Variants in NME7 observed in about 807,000 individuals in gnomAD.
The protein encoded by NME7 is NME/NM23 family member 7.
NME7 carries 41 observed loss-of-function variants against 49.1 expected under a neutral mutation model. That is an observed-to-expected ratio of 0.83 (90% CI 0.65 to 1.08). The LOEUF (loss-of-function observed/expected upper bound fraction) is 1.08, where lower values mean the gene tolerates loss of function less well. Among genes scored for constraint, NME7 ranks in the 50% least tolerant of loss-of-function variants. The probability of loss-of-function intolerance (pLI) is 0.00; values close to 1 mark genes in which losing one functional copy is unlikely to be tolerated. For missense variants in NME7, 423 were observed against 463.4 expected, an observed-to-expected ratio of 0.91 and a Z score of 0.80; for synonymous variants, 139 against 150.6, an observed-to-expected ratio of 0.92 and a Z score of 0.56.
At chr1:169,314,695 CCATGGCA>C (rs1008194650) in intron 3 of NME7, among the ~76,000 whole-genome samples, 1 of 151,858 alleles carries the variant, frequency 6.6e-6, no homozygotes, top group Admixed American at 6.6e-5. Flanking sequence ...CAGCAAACCA[CCATGGCA>C]CATGTATACC....
chr1:169,132,784 A>T lies in NME7; in HGVS notation c.*1T>A. The T allele has an allele frequency of 6.2e-7, 1 of 1,613,038 alleles. No individual in the cohort carries two copies. The highest frequency in any genetic ancestry group is 1.3e-5 in the African/African-American group (1 of 74,952). ...CTGTGACTTCTTTACTTTCCACACC[A>T]CTAATTATCCAAGATCTTGAAGAAG... is the stretch of plus-strand genomic sequence containing the variant. On this transcript the variant is annotated 3_prime_UTR_variant, in exon 12 of 12. Transcript: ENST00000367811.
At chr1:169,171,391 T>TA (rs1327836075) in intron 10 of NME7, among the ~76,000 whole-genome samples, 3 of 151,320 alleles carry the variant, frequency 2.0e-5, no homozygotes, top group Non-Finnish European at 4.4e-5. Flanking sequence ...AAATTTTATT[T>TA]AACTTGCACT....
chr1:169,306,836 G>A (rs1651190536), intron 4 of NME7, among the ~76,000 whole-genome samples: 1 of 152,156 alleles, frequency 6.6e-6, no homozygotes, highest in Admixed American at 6.6e-5. Context: ...GCAACAAAGC[G>A]AGACCACGTT....
chr1:169,182,195 C>T (rs1659950478), intron 10 of NME7, among the ~76,000 whole-genome samples: 1 of 108,938 alleles, frequency 9.2e-6, no homozygotes, highest in Admixed American at 8.8e-5. Flanking sequence ...AAAAACAACT[C>T]TGTAGAGATA....
chr1:169,225,403 C>T (rs183910935), intron 10 of NME7, among the ~76,000 whole-genome samples: 2 of 152,240 alleles, frequency 1.3e-5, no homozygotes, highest in African/African-American at 4.8e-5. Flanking sequence ...CCACCCTGCT[C>T]GGTCCAGTTT....
At chr1:169,148,000 CTTTTA>C (rs1263969183) in intron 11 of NME7, among the ~76,000 whole-genome samples, 4 of 110,086 alleles carry the variant, frequency 3.6e-5, no homozygotes, top group African/African-American at 7.2e-5. Context: ...TTTCAAGTTT[CTTTTA>C]TTTTATTTTT....
intron 10 of NME7, among the ~76,000 whole-genome samples, chr1:169,193,474 A>C (rs1221247717): frequency 6.6e-6 from 1 of 152,192 alleles, no homozygotes; most frequent in Non-Finnish European, 1.5e-5. Context: ...GTAAGGTGGC[A>C]GGCTCTTTCA....
chr1:169,326,813 C>G (rs950405765), intron 1 of NME7, among the ~76,000 whole-genome samples: 1 of 152,142 alleles, frequency 6.6e-6, no homozygotes, highest in African/African-American at 2.4e-5. Context: ...GTGAGGTTGG[C>G]CTTTCAACTA....
intron 10 of NME7, among the ~76,000 whole-genome samples, chr1:169,175,173 A>G (rs1218975809): frequency 6.6e-6 from 1 of 151,972 alleles, no homozygotes; most frequent in East Asian, 1.9e-4. Context: ...ACACAAACAC[A>G]TGCATTAGCC....
At chr1:169,153,276 G>A (rs1345458981) in intron 11 of NME7, among the ~76,000 whole-genome samples, 1 of 152,106 alleles carries the variant, frequency 6.6e-6, no homozygotes, top group Non-Finnish European at 1.5e-5. Flanking sequence ...GTAAATTAAA[G>A]TTATTATTTT....
At position 169,272,450 on chromosome 1, in the gene NME7, G is replaced by T. The variant is rs1433833355; in HGVS notation, c.754+14853C>A. Among the ~76,000 whole-genome samples, 10 of 41,730 alleles carry T rather than the reference G, an allele frequency of 2.4e-4. 2 individuals carry two copies. Among genetic ancestry groups the T allele is most frequent in the Admixed American group, 6.1e-4 (2 of 3,288 alleles). The allele number at this position is 41,730 out of a possible 152,430, so 27.4% of individuals were successfully genotyped here. On this transcript the variant is annotated intron_variant, in intron 7 of 11. Transcript: ENST00000367811. ...TCTTTCTGATGCTCTCCCTCCCCCCGCCCCCCATGACAGGCCGCAGCGTGT... is the reference window on the plus strand; with the variant it reads ...TCTTTCTGATGCTCTCCCTCCCCCCTCCCCCCATGACAGGCCGCAGCGTGT...
At chr1:169,334,018 A>T (rs561633532) in intron 1 of NME7, among the ~76,000 whole-genome samples, 1 of 152,226 alleles carries the variant, frequency 6.6e-6, no homozygotes, top group Non-Finnish European at 1.5e-5. Flanking sequence ...CACAATAGGC[A>T]GCAAAATATT....
Position 169,303,212 on chromosome 1 carries a change from A to ATT in NME7, c.390-18_390-17insAA. ...GCTTCTTTCCTATAAAATAATCAAA[A>ATT]AGGCAATAGTTAAGAATTATAAAAT... On this transcript the variant is annotated splice_polypyrimidine_tract_variant and intron_variant, in intron 4 of 11. Coordinates refer to ENST00000367811, the MANE Select transcript of NME7 (RefSeq NM_013330.5). The ATT allele has an allele frequency of 2.2e-6, 3 of 1,394,600 alleles. No individual in the cohort carries two copies. Among genetic ancestry groups the ATT allele is most frequent in the African/African-American group, 1.5e-5 (1 of 68,434 alleles). 86.4% of individuals were successfully genotyped at this position (1,394,600 alleles called of 1,614,324 possible).
At chr1:169,290,820 GA>G (rs1650469926) in intron 6 of NME7, among the ~76,000 whole-genome samples, 1 of 151,878 alleles carries the variant, frequency 6.6e-6, no homozygotes, top group South Asian at 2.1e-4. Flanking sequence ...ACATTTACAA[GA>G]AAAAAACAAA....
chr1:169,326,016 T>G (rs1394463001), intron 1 of NME7, among the ~76,000 whole-genome samples: 1 of 151,974 alleles, frequency 6.6e-6, no homozygotes, highest in African/African-American at 2.4e-5. Context: ...TATTAGTAGA[T>G]TATTAAAATT....
intron 6 of NME7, among the ~76,000 whole-genome samples, chr1:169,296,399 A>C (rs1463338069): frequency 2.0e-5 from 3 of 152,046 alleles, no homozygotes; most frequent in Non-Finnish European, 2.9e-5. Context: ...CCAGGACATA[A>C]TTATCTCTCA....
chr1:169,210,164 T>C (rs553048025), intron 10 of NME7, among the ~76,000 whole-genome samples: 1 of 152,218 alleles, frequency 6.6e-6, no homozygotes, highest in African/African-American at 2.4e-5. Flanking sequence ...CTAACAAAAA[T>C]GGAGGTAAAA....
At chr1:169,280,603 C>A (rs139810542) in intron 7 of NME7, among the ~76,000 whole-genome samples, 8,027 of 147,536 alleles carry the variant, frequency 0.054, 650 homozygotes, top group South Asian at 0.12. Flanking sequence ...TTATTAAAGT[C>A]TTTGATCCAT....
intron 7 of NME7, among the ~76,000 whole-genome samples, chr1:169,250,642 A>G (rs905131184): frequency 6.6e-6 from 1 of 152,010 alleles, no homozygotes; most frequent in African/African-American, 2.4e-5. Flanking sequence ...TACTGCTTTT[A>G]CTATATTCCA....
Sources: allele counts gnomAD v4.1 joint callset (sites outside exome capture counted in the v4.1 genomes callset), GRCh38; gene constraint gnomAD v4.1.1; transcripts MANE v1.5; gene names NCBI Gene and HGNC (gene_info 2026-07-23, HGNC 2026-07-21).